The following NLRP14 variants were observed in gnomAD, a reference collection of about 807,000 sequenced individuals.
NLRP14 encodes NLR family pyrin domain containing 14, also known as NACHT, LRR and PYD domains-containing protein 14.
NLRP14 carries 105 observed loss-of-function variants against 94.7 expected under a neutral mutation model. The ratio of observed to expected loss-of-function variants is 1.11; its 90% confidence interval spans 0.95 to 1.30. NLRP14 has a LOEUF of 1.30. Ranked by LOEUF, NLRP14 falls within the 50% of genes most tolerant of loss-of-function variation. The pLI, the probability that NLRP14 is intolerant of heterozygous loss-of-function variation, is 0.00. For synonymous variants in NLRP14, 508 were observed against 459.9 expected (o/e 1.10, Z -1.34); for missense variants, 1,362 against 1,254.1 (o/e 1.09, Z -1.30).
At chr11:7,083,522 C>A in the NLRP14 span, among the ~76,000 whole-genome samples, 1 of 152,200 alleles carries the variant, frequency 6.6e-6, no homozygotes, top group African/African-American at 2.4e-5. Flanking sequence ...AAGACCCTCT[C>A]ATAGCCAGCA....
rs1264476460 is a variant in NLRP14 at position 7,021,993 on chromosome 11, CAA to C, written c.-22+1226_-22+1227del. Among the ~76,000 whole-genome samples, 21 of 149,538 alleles carry C rather than the reference CAA, an allele frequency of 1.4e-4. No homozygotes were observed. In the East Asian group the frequency reaches 4.1e-3, roughly 29 times the overall value. ...TAAGAGGATCCAGTTTTCAGAGAAA[CAA>C]AATGTGTATCTGAAGGAATATACCT... On this transcript the variant is annotated intron_variant, in intron 1 of 11. Coordinates refer to ENST00000299481, the MANE Select transcript of NLRP14 (RefSeq NM_176822.4).
chr11:7,047,603 G>A (rs1852375236), intron 5 of NLRP14, among the ~76,000 whole-genome samples: 1 of 151,924 alleles, frequency 6.6e-6, no homozygotes, highest in South Asian at 2.1e-4. Flanking sequence ...ACAATGTCCA[G>A]CCTATCCCTT....
the NLRP14 span, among the ~76,000 whole-genome samples, chr11:7,077,138 AT>A: frequency 3.9e-5 from 6 of 152,036 alleles, no homozygotes; most frequent in Admixed American, 3.9e-4. Flanking sequence ...CATTTCTTTA[AT>A]TGGGTGTGAC....
chr11:7,040,580 A>G (rs17377897), intron 3 of NLRP14, among the ~76,000 whole-genome samples: 1,905 of 152,276 alleles, frequency 0.013, 34 homozygotes, highest in African/African-American at 0.043. Context: ...TGGTTTATTA[A>G]CACCATTTCC....
Position 7,062,517 on chromosome 11 carries a change from T to C in NLRP14, c.2975+14T>C. On this transcript the variant is annotated intron_variant, in intron 10 of 11. Coordinates refer to ENST00000299481, the MANE Select transcript of NLRP14 (RefSeq NM_176822.4). ...TCAGAGGCTCGGGTGAGTTCATAGT[T>C]TTCCATTAGGAAAATGATGCCTATT... 1 of 1,610,356 alleles carries C rather than the reference T, an allele frequency of 6.2e-7. No homozygotes were observed. The highest frequency in any genetic ancestry group is 8.5e-7 in the Non-Finnish European group (1 of 1,176,950).
At chr11:7,035,240 G>A (rs957831365) in intron 1 of NLRP14, among the ~76,000 whole-genome samples, 2 of 152,170 alleles carry the variant, frequency 1.3e-5, no homozygotes, top group African/African-American at 4.8e-5. Context: ...AGAATCGCTT[G>A]AACCCAGGAG....
the NLRP14 span, among the ~76,000 whole-genome samples, chr11:7,079,919 A>G: frequency 3.3e-5 from 5 of 152,114 alleles, no homozygotes; most frequent in African/African-American, 1.2e-4. Context: ...AGGCAGGAAG[A>G]TCAGTGTCAG....
chr11:7,044,581 A>G (rs1852323390), intron 4 of NLRP14, among the ~76,000 whole-genome samples: 2 of 152,106 alleles, frequency 1.3e-5, no homozygotes, highest in African/African-American at 2.4e-5. Flanking sequence ...CTAAATAAAT[A>G]TTTTTGAAAA....
chr11:7,039,648 T>A (rs911221104), intron 2 of NLRP14, 66 bp from the exon 3 acceptor site: 27 of 1,275,534 alleles, frequency 2.1e-5, no homozygotes, highest in Non-Finnish European at 3.1e-5. Context: ...TGGCCTCTGT[T>A]CTAGCCATCA....
the NLRP14 span, among the ~76,000 whole-genome samples, chr11:7,080,891 A>G: frequency 6.6e-6 from 1 of 152,092 alleles, no homozygotes; most frequent in African/African-American, 2.4e-5. Context: ...CTAAAAGTAT[A>G]TATTGGTTTT....
chr11:7,079,136 G>C, the NLRP14 span, among the ~76,000 whole-genome samples: 2 of 152,196 alleles, frequency 1.3e-5, no homozygotes, highest in African/African-American at 4.8e-5. Flanking sequence ...AGATTTTCTG[G>C]GGGGCCAGAG....
chr11:7,043,693 T>G lies in NLRP14; in HGVS notation c.1667T>G (p.Ile556Arg). ...RTFNCKMSLK[I>R]KSKLLQCMEV... ...TTTAACTGTAAAATGTCACTGAAGA[T>G]AAAATCAAAGTTACTTCAGTGTATG... is the stretch of plus-strand genomic sequence containing the variant. Residue 556 changes from isoleucine to arginine, a missense_variant, in exon 4 of 12, where the codon ATA (isoleucine) becomes AGA (arginine). Transcript: ENST00000299481. The G allele has an allele frequency of 1.2e-6, 2 of 1,613,940 alleles. No homozygotes were observed. The highest frequency in any genetic ancestry group is 1.3e-5 in the African/African-American group (1 of 75,022).
At chr11:7,027,050 C>A (rs899669163) in intron 1 of NLRP14, among the ~76,000 whole-genome samples, 10 of 152,152 alleles carry the variant, frequency 6.6e-5, no homozygotes, top group African/African-American at 2.4e-4. Context: ...TGCATCAGTG[C>A]CCCTTTTTAG....
chr11:7,051,124 A>G (rs979282050), intron 6 of NLRP14, among the ~76,000 whole-genome samples: 1 of 152,204 alleles, frequency 6.6e-6, no homozygotes, highest in Non-Finnish European at 1.5e-5. Flanking sequence ...CAGGATTTCA[A>G]ATAGGAAACC....
chr11:7,065,714 T>C lies in NLRP14; in HGVS notation c.2975+3211T>C, dbSNP rs185671422. ...TAGTTTTCTAGGAGTATTCTTTTTC[T>C]TTTTTTTAATTATACTTTAAGTTCT... On this transcript the variant is annotated intron_variant, in intron 10 of 11. Transcript: ENST00000299481. 4.2e-3 allele frequency among the ~76,000 whole-genome samples: 636 copies of C among 152,080 alleles called. 7 individuals carry two copies. The highest frequency in any genetic ancestry group is 0.014 in the African/African-American group (590 of 41,516).
At chr11:7,050,348 G>T (rs1304013914) in intron 6 of NLRP14, among the ~76,000 whole-genome samples, 1 of 152,178 alleles carries the variant, frequency 6.6e-6, no homozygotes, top group East Asian at 1.9e-4. Context: ...CTTTCAAGGT[G>T]CTTGCTGGCT....
the NLRP14 span, among the ~76,000 whole-genome samples, chr11:7,080,511 C>T: frequency 6.6e-6 from 1 of 152,164 alleles, no homozygotes; most frequent in Admixed American, 6.5e-5. Flanking sequence ...TCCACAATGT[C>T]AGGCTTTTAT....
At position 7,061,017 on chromosome 11, in the gene NLRP14, G is replaced by A. The variant is rs377583015; in HGVS notation, c.2804+953G>A. Among the ~76,000 whole-genome samples the A allele has an allele frequency of 1.6e-4, 25 of 152,064 alleles. No homozygotes were observed. In the South Asian group the frequency reaches 5.2e-3, roughly 32 times the overall value. ...AACCTCAGCTCACTTTCCTACCAGG[G>A]CCTCCCAAGTGACCAGCAACTTTTG... On this transcript the variant is annotated intron_variant, in intron 9 of 11. Coordinates refer to ENST00000299481, the MANE Select transcript of NLRP14 (RefSeq NM_176822.4).
the NLRP14 span, among the ~76,000 whole-genome samples, chr11:7,086,300 T>A: frequency 6.6e-6 from 1 of 152,204 alleles, no homozygotes; most frequent in Non-Finnish European, 1.5e-5. Flanking sequence ...TCAATTAATG[T>A]CCGAGATTGA....
Sources: allele counts gnomAD v4.1 joint callset (sites outside exome capture counted in the v4.1 genomes callset), GRCh38; gene constraint gnomAD v4.1.1; transcripts MANE v1.5; gene names NCBI Gene and HGNC (gene_info 2026-07-23, HGNC 2026-07-21).